NRXN1: variants seen among roughly 807,000 people sequenced by gnomAD.
NRXN1 encodes the protein neurexin-1.
In NRXN1, 39 loss-of-function variants were observed where a neutral mutation model predicts 150.9. That is an observed-to-expected ratio of 0.26 (90% confidence interval 0.20 to 0.34). The LOEUF is 0.34. NRXN1 is among the 10% of genes least tolerant of loss of function. The probability of loss-of-function intolerance (pLI) is 1.00; values close to 1 mark genes in which losing one functional copy is unlikely to be tolerated. For synonymous variants in NRXN1, 924 were observed against 757.0 expected (o/e 1.22, Z -3.62); for missense variants, 1,815 against 1,949.9 (o/e 0.93, Z 1.30).
chr2:50,406,882 T>C (rs1163222517), intron 17 of NRXN1, among the ~76,000 whole-genome samples: 2 of 151,986 alleles, frequency 1.3e-5, no homozygotes, highest in East Asian at 3.9e-4. Flanking sequence ...CAGCATTCCT[T>C]TTTCATAGTG....
At chr2:50,173,026 A>G (rs2060125768) in intron 18 of NRXN1, among the ~76,000 whole-genome samples, 1 of 152,166 alleles carries the variant, frequency 6.6e-6, no homozygotes, top group Non-Finnish European at 1.5e-5. Flanking sequence ...CTTGCTATAG[A>G]TAAATAAACA....
chr2:50,910,772 G>A (rs747964697), intron 5 of NRXN1, among the ~76,000 whole-genome samples: 9 of 151,928 alleles, frequency 5.9e-5, no homozygotes, highest in South Asian at 2.1e-4. Flanking sequence ...GCCAGTGTGC[G>A]CAATGACTGA....
At chr2:50,128,305 G>A (rs533017184) in intron 18 of NRXN1, among the ~76,000 whole-genome samples, 2 of 152,264 alleles carry the variant, frequency 1.3e-5, no homozygotes, top group Admixed American at 6.5e-5. Context: ...GACATCTTTC[G>A]TCCCTTCGAA....
chr2:50,345,062 C>G (rs1385929821), intron 17 of NRXN1, among the ~76,000 whole-genome samples: 1 of 152,178 alleles, frequency 6.6e-6, no homozygotes, highest in Non-Finnish European at 1.5e-5. Context: ...GTGAGATCAC[C>G]AGAAACTCCT....
At chr2:50,238,628 A>T (rs2065696342) in intron 17 of NRXN1, among the ~76,000 whole-genome samples, 1 of 152,062 alleles carries the variant, frequency 6.6e-6, no homozygotes, top group African/African-American at 2.4e-5. Context: ...CAAGTTTACC[A>T]GTTAAATGGA....
At chr2:50,967,988 G>T (rs549294988) in intron 2 of NRXN1, among the ~76,000 whole-genome samples, 1 of 151,718 alleles carries the variant, frequency 6.6e-6, no homozygotes, top group Non-Finnish European at 1.5e-5. Flanking sequence ...ATCTCTCTCG[G>T]GGCTAACTTT....
At chr2:49,965,884 G>A (rs1676883540) in intron 21 of NRXN1, among the ~76,000 whole-genome samples, 1 of 152,150 alleles carries the variant, frequency 6.6e-6, no homozygotes, top group Admixed American at 6.6e-5. Context: ...TCCAGAGTAT[G>A]CAGCATTGTA....
chr2:50,790,698 A>C (rs1359639663), intron 5 of NRXN1, among the ~76,000 whole-genome samples: 3 of 152,180 alleles, frequency 2.0e-5, no homozygotes, highest in African/African-American at 7.2e-5. Context: ...AGTGTTTCAA[A>C]TTTTTGGTTT....
chr2:50,468,040 T>A (rs905321718), intron 16 of NRXN1, among the ~76,000 whole-genome samples: 4 of 151,628 alleles, frequency 2.6e-5, no homozygotes, highest in African/African-American at 9.7e-5. Context: ...TTAGCATATT[T>A]CTTCCAGTGT....
At chr2:50,379,274 G>A (rs2080765650) in intron 17 of NRXN1, among the ~76,000 whole-genome samples, 1 of 152,110 alleles carries the variant, frequency 6.6e-6, no homozygotes, top group African/African-American at 2.4e-5. Flanking sequence ...AGCCCTATCA[G>A]TCAGTATACT....
chr2:50,263,084 C>G (rs933441042), intron 17 of NRXN1, among the ~76,000 whole-genome samples: 1 of 151,718 alleles, frequency 6.6e-6, no homozygotes, highest in Non-Finnish European at 1.5e-5. Context: ...TATCATCTCA[C>G]TTTTTCTTTA....
chr2:50,181,734 A>C lies in NRXN1; in HGVS notation c.3546+55055T>G, dbSNP rs561461190. Among the ~76,000 whole-genome samples the C allele has an allele frequency of 5.9e-5, 9 of 152,184 alleles. No homozygotes were observed. In the East Asian group the frequency reaches 1.6e-3, roughly 26 times the overall value. ...TGAATGAGAATAATGGATAAGAAAAACATTTTCAATAAGGTTAATTTATCA... is the reference window on the plus strand; with the variant it reads ...TGAATGAGAATAATGGATAAGAAAACCATTTTCAATAAGGTTAATTTATCA... On this transcript the variant is annotated intron_variant, in intron 18 of 22. Coordinates refer to ENST00000401669, the MANE Select transcript of NRXN1 (RefSeq NM_001330078.2).
intron 18 of NRXN1, among the ~76,000 whole-genome samples, chr2:50,156,466 G>T (rs912709693): frequency 6.6e-6 from 1 of 151,840 alleles, no homozygotes; most frequent in African/African-American, 2.4e-5. Context: ...AAAAAATTAC[G>T]TAAATGGTTC....
intron 18 of NRXN1, among the ~76,000 whole-genome samples, chr2:50,195,374 T>G (rs1375698221): frequency 6.6e-6 from 1 of 152,162 alleles, no homozygotes; most frequent in Non-Finnish European, 1.5e-5. Flanking sequence ...TCTTTACTCA[T>G]GATCTCACAA....
intron 21 of NRXN1, among the ~76,000 whole-genome samples, chr2:49,986,107 C>T (rs1181052182): frequency 6.6e-6 from 1 of 152,122 alleles, no homozygotes; most frequent in African/African-American, 2.4e-5. Flanking sequence ...TATGTGACTT[C>T]GATCTAAATG....
chr2:50,087,337 A>G (rs1270072397), intron 19 of NRXN1, among the ~76,000 whole-genome samples: 4 of 152,250 alleles, frequency 2.6e-5, no homozygotes, highest in African/African-American at 4.8e-5. Context: ...TATAAAACGA[A>G]CATTTGACCT....
chr2:50,237,924 C>G (rs566704320), intron 17 of NRXN1, among the ~76,000 whole-genome samples: 18 of 152,006 alleles, frequency 1.2e-4, no homozygotes, highest in Non-Finnish European at 2.4e-4. Flanking sequence ...TGAGTTCTAA[C>G]AAGATCTGAT....
At chr2:50,177,803 C>G (rs2060446150) in intron 18 of NRXN1, among the ~76,000 whole-genome samples, 1 of 151,090 alleles carries the variant, frequency 6.6e-6, no homozygotes, top group Non-Finnish European at 1.5e-5. Context: ...CTCTCTCTCT[C>G]TCTCTCTCCT....
chr2:50,285,745 A>T (rs1395734334), intron 17 of NRXN1, among the ~76,000 whole-genome samples: 2 of 152,190 alleles, frequency 1.3e-5, no homozygotes, highest in African/African-American at 2.4e-5. Context: ...GTATGCCTAC[A>T]ATCTTTCAGA....
Sources: allele counts gnomAD v4.1 joint callset (sites outside exome capture counted in the v4.1 genomes callset), GRCh38; gene constraint gnomAD v4.1.1; transcripts MANE v1.5; gene names NCBI Gene and HGNC (gene_info 2026-07-23, HGNC 2026-07-21).